The following ARHGAP21 variants were observed in gnomAD, a reference collection of about 807,000 sequenced individuals.
ARHGAP21 encodes Rho GTPase activating protein 21, also known as rho GTPase-activating protein 21.
A neutral mutation model predicts 164.6 loss-of-function variants in ARHGAP21; 38 were observed. The ratio of observed to expected loss-of-function variants is 0.23; its 90% CI spans 0.18 to 0.30. The LOEUF (loss-of-function observed/expected upper bound fraction) is 0.30, where lower values mean the gene tolerates loss of function less well. Among genes scored for constraint, ARHGAP21 ranks in the 10% least tolerant of loss-of-function variants. The probability of loss-of-function intolerance (pLI) is 1.00; values close to 1 mark genes in which losing one functional copy is unlikely to be tolerated. For missense variants in ARHGAP21, 1,822 were observed against 2,370.7 expected, an observed-to-expected ratio of 0.77 and a Z score of 4.81; for synonymous variants, 766 against 857.9, an observed-to-expected ratio of 0.89 and a Z score of 1.87.
rs185532392 is a variant in ARHGAP21, at chr10:24,639,034, T to C, written c.269-3931A>G. The stretch of plus-strand genomic sequence containing the variant: ...CTTGAGTAAAAAAATTAATTATATA[T>C]AGGTAGTAGCTGCCATCTAAATACT... On this transcript the variant is annotated intron_variant, in intron 4 of 25. Transcript: ENST00000396432. Among the ~76,000 whole-genome samples, 334 of 152,246 alleles carry C rather than the reference T, an allele frequency of 2.2e-3. 1 individual carries two copies. Among genetic ancestry groups the C allele is most frequent in the African/African-American group, 7.8e-3 (324 of 41,536 alleles).
rs529188329 is a variant in ARHGAP21 at position 24,628,057 on chromosome 10, T to C, written c.495+1939A>G. The stretch of plus-strand genomic sequence containing the variant: ...GCCAGGTAAATCCTTCGCTACCATA[T>C]ACACCATCTTCTGTATAAGAAGAGC... On this transcript the variant is annotated intron_variant, in intron 7 of 25. Transcript: ENST00000396432. Among the ~76,000 whole-genome samples, 4 of 152,308 alleles carry C rather than the reference T, an allele frequency of 2.6e-5. No individual in the cohort carries two copies. The East Asian group carries it at 7.7e-4, about 29-fold the overall frequency.
intron 9 of ARHGAP21, among the ~76,000 whole-genome samples, chr10:24,611,208 C>T (rs1304822010): frequency 6.6e-5 from 10 of 152,080 alleles, no homozygotes; most frequent in Admixed American, 2.0e-4. Flanking sequence ...GGCCAAGGGG[C>T]GAGAACCACG....
At chr10:24,605,184 T>C (rs996178483) in intron 11 of ARHGAP21, among the ~76,000 whole-genome samples, 2 of 152,160 alleles carry the variant, frequency 1.3e-5, no homozygotes, top group South Asian at 2.1e-4. Context: ...AAGTAAACAA[T>C]GGATACGGGA....
At chr10:24,628,673 G>A (rs547732550) in intron 7 of ARHGAP21, among the ~76,000 whole-genome samples, 8 of 151,376 alleles carry the variant, frequency 5.3e-5, no homozygotes, top group African/African-American at 1.9e-4. Flanking sequence ...TTGTAAGTAT[G>A]TTACTTAAAG....
chr10:24,695,513 A>G (rs1006776301), intron 2 of ARHGAP21, among the ~76,000 whole-genome samples: 17 of 151,908 alleles, frequency 1.1e-4, no homozygotes, highest in African/African-American at 3.9e-4. Flanking sequence ...AGGTTGCAGT[A>G]AGCTGAGATT....
chr10:24,621,421 A>G lies in ARHGAP21; in HGVS notation c.526-52T>C, dbSNP rs1408614952. On this transcript the variant is annotated intron_variant, in intron 8 of 25. Transcript: ENST00000396432. ...ACTGGAAATTCATAAAAAGAATAATAATTTCCATTTTTACAGTGCACTATT... is the reference window on the plus strand; with the variant it reads ...ACTGGAAATTCATAAAAAGAATAATGATTTCCATTTTTACAGTGCACTATT... 13 of 1,456,696 alleles carry G rather than the reference A, an allele frequency of 8.9e-6. No individual in the cohort carries two copies. The South Asian group carries it at 1.8e-4, about 21-fold the overall frequency. 90.2% of individuals were successfully genotyped at this position (1,456,696 alleles called of 1,614,324 possible).
Position 24,620,628 on chromosome 10 carries a change from T to A in ARHGAP21, c.1267A>T (p.Thr423Ser). ...TTGGGGACGACCTGGTTATAATCTGTCGTGCTTTGAGATGCTGCTCTTAAA... is the reference window on the plus strand; with the variant it reads ...TTGGGGACGACCTGGTTATAATCTGACGTGCTTTGAGATGCTGCTCTTAAA... ...DSLRAASQST[T>S]DYNQVVPNRT... The change falls in exon 9 of 26, where the codon ACA becomes TCA. Residue 423 changes from threonine to serine, a missense_variant. Around this residue, in one of 5 missense-constraint regions of ARHGAP21, gnomAD observed 1,090 missense variants for 1,378.9 expected, o/e 0.79. Coordinates refer to ENST00000396432, the MANE Select transcript of ARHGAP21 (RefSeq NM_020824.4). 6.2e-7 allele frequency: 1 copy of A among 1,614,248 alleles called. No homozygotes were observed. Among genetic ancestry groups the A allele is most frequent in the Non-Finnish European group, 8.5e-7 (1 of 1,180,050 alleles).
At chr10:24,598,382 T>A (rs746096946) in intron 14 of ARHGAP21, among the ~76,000 whole-genome samples, 1 of 152,220 alleles carries the variant, frequency 6.6e-6, no homozygotes, top group Non-Finnish European at 1.5e-5. Context: ...GTGTAAGTGA[T>A]TTTTCTTCAA....
chr10:24,607,367 CTTTA>C (rs1049149674), intron 11 of ARHGAP21, 128 bp downstream of exon 11: 12 of 754,154 alleles, frequency 1.6e-5, no homozygotes, highest in African/African-American at 8.9e-5. Flanking sequence ...CCATTAACAA[CTTTA>C]TTTATTTGCA....
intron 7 of ARHGAP21, among the ~76,000 whole-genome samples, chr10:24,626,360 G>A (rs1341083546): frequency 6.6e-6 from 1 of 152,158 alleles, no homozygotes; most frequent in Non-Finnish European, 1.5e-5. Context: ...GTGTGAATGA[G>A]TTAGGAGATG....
intron 9 of ARHGAP21, among the ~76,000 whole-genome samples, chr10:24,616,528 G>A (rs775076864): frequency 3.3e-5 from 5 of 152,186 alleles, no homozygotes; most frequent in Non-Finnish European, 7.4e-5. Flanking sequence ...ATAAGGCTGT[G>A]ACCATCAAAT....
intron 2 of ARHGAP21, among the ~76,000 whole-genome samples, chr10:24,713,660 T>C (rs1845072416): frequency 6.6e-6 from 1 of 151,184 alleles, no homozygotes; most frequent in African/African-American, 2.4e-5. Context: ...TTTTAAGTGA[T>C]GGGGGTCTCC....
chr10:24,593,597 TATTCCATAA>T lies in ARHGAP21; in HGVS notation c.3876+1344_3876+1352del, dbSNP rs1389767900. On this transcript the variant is annotated intron_variant, in intron 21 of 25. Transcript: ENST00000396432. ...TAAAAATTGTATTTTTCTTGAAAGA[TATTCCATAA>T]AATACCATACCCCATCTTCAAGATT... 2.0e-5 allele frequency among the ~76,000 whole-genome samples: 3 copies of T among 152,200 alleles called. No individual in the cohort carries two copies. The East Asian group carries it at 5.8e-4, about 29-fold the overall frequency.
intron 3 of ARHGAP21, among the ~76,000 whole-genome samples, chr10:24,668,217 G>GT (rs1840377686): frequency 1.3e-5 from 2 of 152,308 alleles, no homozygotes; most frequent in East Asian, 3.9e-4. Context: ...GTTAACAAGC[G>GT]TAAGCATGTC....
chr10:24,604,192 G>T (rs974161284), intron 12 of ARHGAP21, 120 bp downstream of exon 12: 23 of 656,648 alleles, frequency 3.5e-5, no homozygotes, highest in Middle Eastern at 9.4e-4. Context: ...TGTGTATCAA[G>T]TATTACATAC....
chr10:24,595,032 T>C lies in ARHGAP21; in HGVS notation c.3794A>G (p.Asp1265Gly), dbSNP rs769189272. Residue 1265 changes from aspartate to glycine, a missense_variant, in exon 21 of 26, where the codon GAT (aspartate) becomes GGT (glycine). By Grantham distance (94) the Asp-to-Gly change is moderately conservative. Coordinates refer to ENST00000396432, the MANE Select transcript of ARHGAP21 (RefSeq NM_020824.4). Reference protein sequence around the residue: ...RLKTLKRLIHDLPEHHYETLK... With the variant: ...RLKTLKRLIHGLPEHHYETLK... ...TGTTTCATAATGATGTTCAGGCAAA[T>C]CGTGAATCTGAAACAGATTATTTTC... 6.2e-7 allele frequency: 1 copy of C among 1,612,912 alleles called. No individual in the cohort carries two copies. The highest frequency in any genetic ancestry group is 1.1e-5 in the South Asian group (1 of 90,944).
At chr10:24,628,928 C>CATATAT (rs1308446834) in intron 7 of ARHGAP21, 1 of 81,378 alleles carries the variant, frequency 1.2e-5, no homozygotes, top group African/African-American at 5.1e-5. Flanking sequence ...CATATATATA[C>CATATAT]ATACATATAT....
chr10:24,595,857 A>G (rs1488054250), intron 18 of ARHGAP21, 31 bp downstream of exon 18: 2 of 1,611,036 alleles, frequency 1.2e-6, no homozygotes, highest in Non-Finnish European at 1.7e-6. Context: ...GGGGAAAAAA[A>G]AGGATCAGTT....
intron 4 of ARHGAP21, among the ~76,000 whole-genome samples, chr10:24,649,999 G>A (rs1028959749): frequency 6.6e-5 from 10 of 151,892 alleles, no homozygotes; most frequent in African/African-American, 2.4e-4. Context: ...ACATATATTG[G>A]AAGAAATTAA....
Sources: allele counts gnomAD v4.1 joint callset (sites outside exome capture counted in the v4.1 genomes callset), GRCh38; gene constraint gnomAD v4.1.1; regional missense constraint gnomAD v4.1.1; transcripts MANE v1.5; gene names NCBI Gene and HGNC (gene_info 2026-07-23, HGNC 2026-07-21).